The following LRP1B variants were observed in gnomAD, a reference collection of about 807,000 sequenced individuals.
LRP1B encodes the protein LDL receptor related protein 1B.
A neutral mutation model predicts 556.6 loss-of-function variants in LRP1B; 217 were observed. The ratio of observed to expected loss-of-function variants is 0.39; its 90% CI spans 0.35 to 0.44. The LOEUF (loss-of-function observed/expected upper bound fraction) is 0.44. LRP1B is among the 20% of genes least tolerant of loss of function. The pLI is 1.00. For synonymous variants in LRP1B, 2,047 were observed against 1,865.8 expected (o/e 1.10, Z -2.50); for missense variants, 5,053 against 5,620.8 (o/e 0.90, Z 3.23).
chr2:141,049,083 G>A lies in LRP1B; in HGVS notation c.1692C>T (p.His564=), dbSNP rs901206717. Residue 564 remains histidine (H), a synonymous_variant, in exon 11 of 91, where the codon CAC becomes CAT. Coordinates refer to ENST00000389484, the MANE Select transcript of LRP1B (RefSeq NM_018557.3). The part of the protein sequence containing the change: ...NLVNPRALDF[H]AETNYIYFAD... The stretch of plus-strand genomic sequence containing the variant: ...CAAAGTAGATGTAATTGGTTTCTGC[G>A]TGAAAGTCTAAAGCACGAGGGTTTA... 10 of 1,613,442 alleles carry A rather than the reference G, an allele frequency of 6.2e-6. No individual in the cohort carries two copies. The East Asian group carries it at 6.7e-5, about 11-fold the overall frequency.
chr2:141,739,680 G>GTTTT (rs530110334), intron 2 of LRP1B, among the ~76,000 whole-genome samples: 2 of 143,150 alleles, frequency 1.4e-5, no homozygotes, highest in South Asian at 2.2e-4. Flanking sequence ...TCTACTGGTT[G>GTTTT]TTTTTTTTTT....
At chr2:142,017,426 GAT>G (rs1703183894) in intron 1 of LRP1B, among the ~76,000 whole-genome samples, 1 of 152,104 alleles carries the variant, frequency 6.6e-6, no homozygotes, top group African/African-American at 2.4e-5. Flanking sequence ...ATCTCCCAAT[GAT>G]ATATGTTGCA....
chr2:141,794,139 T>TC (rs1428057982), intron 2 of LRP1B, among the ~76,000 whole-genome samples: 1 of 151,876 alleles, frequency 6.6e-6, no homozygotes, highest in African/African-American at 2.4e-5. Flanking sequence ...AAGTAACTTT[T>TC]CCCCCCACAT....
intron 7 of LRP1B, among the ~76,000 whole-genome samples, chr2:141,083,784 C>G (rs891449592): frequency 6.6e-6 from 1 of 152,162 alleles, no homozygotes; most frequent in African/African-American, 2.4e-5. Flanking sequence ...TGTGCCACCT[C>G]AGGACTCTGC....
At position 140,818,936 on chromosome 2, in the gene LRP1B, C is replaced by CAAAAAA. The variant is rs543167243; in HGVS notation, c.5210-5136_5210-5131dup. ...TGGGCAACAGAGCGAGACTCTGTCT[C>CAAAAAA]AAAAAAAAAAAAAAAAAAAAAAAAG... On this transcript the variant is annotated intron_variant, in intron 31 of 90. Coordinates refer to ENST00000389484, the MANE Select transcript of LRP1B (RefSeq NM_018557.3). Among the ~76,000 whole-genome samples, 74 of 102,904 alleles carry CAAAAAA rather than the reference C, an allele frequency of 7.2e-4. 2 individuals carry two copies. Among genetic ancestry groups the CAAAAAA allele is most frequent in the African/African-American group, 3.1e-3 (72 of 23,380 alleles). 67.5% of individuals were successfully genotyped at this position (102,904 alleles called of 152,430 possible). A position where few individuals can be genotyped will look rare whatever the true frequency, so the allele number is the denominator to read the frequency against.
At chr2:141,631,197 C>T (rs1000577740) in intron 2 of LRP1B, among the ~76,000 whole-genome samples, 51 of 151,996 alleles carry the variant, frequency 3.4e-4, no homozygotes, top group Middle Eastern at 3.2e-3. Context: ...CTTATAACCC[C>T]ATCAGATCTT....
intron 83 of LRP1B, among the ~76,000 whole-genome samples, chr2:140,308,964 C>T (rs1684181060): frequency 1.3e-5 from 2 of 151,742 alleles, no homozygotes; most frequent in Admixed American, 6.6e-5. Flanking sequence ...AAGCCTATCT[C>T]CTGACCTCTT....
At chr2:140,735,414 A>G (rs1687913816) in intron 35 of LRP1B, among the ~76,000 whole-genome samples, 1 of 152,202 alleles carries the variant, frequency 6.6e-6, no homozygotes, top group South Asian at 2.1e-4. Context: ...GTAGATTACA[A>G]AGAGGCTCAT....
chr2:140,960,741 T>C (rs1279639421), intron 18 of LRP1B, among the ~76,000 whole-genome samples: 1 of 151,950 alleles, frequency 6.6e-6, no homozygotes, highest in African/African-American at 2.4e-5. Context: ...AAAAGTAAGA[T>C]GTCCTAATAT....
Position 142,023,064 on chromosome 2 carries a change from A to C in LRP1B, c.82+107584T>G, listed in dbSNP as rs73963414. Among the ~76,000 whole-genome samples, 451 of 152,306 alleles carry C rather than the reference A, an allele frequency of 3.0e-3. 5 individuals are homozygous for C. Among genetic ancestry groups the C allele is most frequent in the African/African-American group, 0.01 (434 of 41,562 alleles). ...TACTGCAAAGGCTCAAACAGCTAGC[A>C]CATCTTATCTGAAGAATTATATCTG... On this transcript the variant is annotated intron_variant, in intron 1 of 90. Coordinates refer to ENST00000389484, the MANE Select transcript of LRP1B (RefSeq NM_018557.3).
chr2:140,825,042 T>C (rs566853097), intron 31 of LRP1B, among the ~76,000 whole-genome samples: 5 of 152,194 alleles, frequency 3.3e-5, no homozygotes, highest in African/African-American at 1.2e-4. Context: ...AATCATATAT[T>C]CAACAAACAA....
At chr2:140,675,690 T>C (rs1272221455) in intron 41 of LRP1B, among the ~76,000 whole-genome samples, 1 of 152,162 alleles carries the variant, frequency 6.6e-6, no homozygotes, top group Non-Finnish European at 1.5e-5. Flanking sequence ...GGAGAAAGAA[T>C]TGCTTTAGCC....
rs114194244 is a variant in LRP1B at position 140,447,530 on chromosome 2, A to G, written c.10058-2851T>C. Among the ~76,000 whole-genome samples, 301 of 152,290 alleles carry G rather than the reference A, an allele frequency of 2.0e-3. 2 individuals are homozygous for G. The highest frequency in any genetic ancestry group is 4.1e-3 in the Admixed American group (62 of 15,274). ...GTTAGGTAGGGCCTTGCTCTGGATT[A>G]GGCTTTGGCTTAAGGAACTGTTGTG... is the stretch of plus-strand genomic sequence containing the variant. On this transcript the variant is annotated intron_variant, in intron 63 of 90. Coordinates refer to ENST00000389484, the MANE Select transcript of LRP1B (RefSeq NM_018557.3).
At chr2:140,293,905 G>T (rs1478243550) in intron 84 of LRP1B, among the ~76,000 whole-genome samples, 2 of 152,064 alleles carry the variant, frequency 1.3e-5, no homozygotes, top group Non-Finnish European at 2.9e-5. Flanking sequence ...AGGATTAATT[G>T]GTTAATTTTA....
intron 1 of LRP1B, among the ~76,000 whole-genome samples, chr2:141,836,193 A>G (rs1023583470): frequency 6.6e-6 from 1 of 151,960 alleles, no homozygotes; most frequent in Non-Finnish European, 1.5e-5. Flanking sequence ...CAATTCAAAT[A>G]TTTGTGAGGA....
intron 3 of LRP1B, among the ~76,000 whole-genome samples, chr2:141,334,886 A>C (rs973507055): frequency 2.0e-5 from 3 of 152,148 alleles, no homozygotes; most frequent in African/African-American, 7.2e-5. Context: ...GACAGAAAGA[A>C]ATCAAGCTTA....
intron 43 of LRP1B, among the ~76,000 whole-genome samples, chr2:140,588,557 A>C (rs370062012): frequency 5.9e-5 from 9 of 152,252 alleles, no homozygotes; most frequent in African/African-American, 2.2e-4. Context: ...GCTGTGTGTT[A>C]TTGACAGAGT....
chr2:141,058,420 T>G (rs1699244023), intron 9 of LRP1B, among the ~76,000 whole-genome samples: 1 of 151,852 alleles, frequency 6.6e-6, no homozygotes, highest in Admixed American at 6.6e-5. Context: ...TGAGAAAAAC[T>G]GCAGCCTTCT....
intron 8 of LRP1B, among the ~76,000 whole-genome samples, chr2:141,060,847 CTG>C (rs976945615): frequency 1.3e-5 from 2 of 151,620 alleles, no homozygotes; most frequent in African/African-American, 4.8e-5. Context: ...ACTTCAAAAA[CTG>C]TATCTATGTT....
Sources: gnomAD v4.1 joint callset for allele counts (sites outside exome capture counted in the v4.1 genomes callset) on GRCh38, gnomAD v4.1.1 for gene constraint, MANE v1.5 for transcripts, NCBI Gene and HGNC (gene_info 2026-07-23, HGNC 2026-07-21) for gene names.